FHIT: variants seen among roughly 807,000 people sequenced by gnomAD.
The protein encoded by FHIT is fragile histidine triad diadenosine triphosphatase.
Under a neutral mutation model 17.9 loss-of-function variants are expected in FHIT, and 19 were observed. That is an observed-to-expected ratio of 1.06 (90% CI 0.74 to 1.56). FHIT has a LOEUF of 1.56. FHIT is among the 40% of genes most tolerant of loss of function. The pLI is 0.00. For synonymous variants in FHIT, 81 were observed against 69.7 expected (o/e 1.16, Z -0.81); for missense variants, 248 against 189.2 (o/e 1.31, Z -1.82).
At chr3:60,181,844 T>C (rs1002606779) in intron 5 of FHIT, among the ~76,000 whole-genome samples, 1 of 152,194 alleles carries the variant, frequency 6.6e-6, no homozygotes, top group African/African-American at 2.4e-5. Flanking sequence ...TATTAAGTTG[T>C]TACATGTCTG....
At chr3:60,555,154 C>T (rs111828480) in intron 4 of FHIT, among the ~76,000 whole-genome samples, 1,772 of 152,280 alleles carry the variant, frequency 0.012, 13 homozygotes, top group Middle Eastern at 0.041. Flanking sequence ...TTGAAGATAA[C>T]CAGATATAAA....
At chr3:60,586,761 A>G (rs1287416159) in intron 4 of FHIT, among the ~76,000 whole-genome samples, 1 of 152,094 alleles carries the variant, frequency 6.6e-6, no homozygotes, top group Non-Finnish European at 1.5e-5. Context: ...CAAATACTGC[A>G]TGAGCTTACT....
intron 4 of FHIT, among the ~76,000 whole-genome samples, chr3:60,729,327 GC>G (rs2041981223): frequency 6.6e-6 from 1 of 152,162 alleles, no homozygotes; most frequent in Admixed American, 6.5e-5. Flanking sequence ...CACAGAACTG[GC>G]TTTAACAGAG....
intron 5 of FHIT, among the ~76,000 whole-genome samples, chr3:60,153,492 G>A (rs2064021): frequency 0.48 from 73,040 of 151,854 alleles, 19,486 homozygotes; most frequent in Non-Finnish European, 0.6. Context: ...TCTATTTTGA[G>A]GTTTATCATG....
At chr3:60,170,000 C>T (rs1314087522) in intron 5 of FHIT, among the ~76,000 whole-genome samples, 1 of 152,198 alleles carries the variant, frequency 6.6e-6, no homozygotes, top group African/African-American at 2.4e-5. Context: ...GATGATCCAG[C>T]ATTCCTCCTG....
intron 5 of FHIT, among the ~76,000 whole-genome samples, chr3:60,428,378 G>A (rs112637218): frequency 5.9e-5 from 9 of 152,102 alleles, no homozygotes; most frequent in East Asian, 1.9e-4. Context: ...CCTGTCAATC[G>A]GACTTGAAAG....
At chr3:60,795,525 A>G (rs1403408262) in intron 4 of FHIT, among the ~76,000 whole-genome samples, 3 of 139,596 alleles carry the variant, frequency 2.1e-5, no homozygotes, top group Non-Finnish European at 4.6e-5. Context: ...TTTTTTTAAG[A>G]CAGGGTCTTA....
chr3:60,574,625 G>A (rs368114659), intron 4 of FHIT, among the ~76,000 whole-genome samples: 5 of 152,030 alleles, frequency 3.3e-5, no homozygotes, highest in African/African-American at 9.7e-5. Flanking sequence ...GTAAAGTTGT[G>A]TAAACACATC....
intron 2 of FHIT, among the ~76,000 whole-genome samples, chr3:61,123,930 A>C (rs1351322087): frequency 6.6e-6 from 1 of 152,198 alleles, no homozygotes; most frequent in Non-Finnish European, 1.5e-5. Flanking sequence ...AAGGTATGTG[A>C]ATAACATAGT....
intron 7 of FHIT, among the ~76,000 whole-genome samples, chr3:59,952,181 A>G (rs1320526095): frequency 6.6e-6 from 1 of 152,086 alleles, no homozygotes; most frequent in Non-Finnish European, 1.5e-5. Flanking sequence ...AATTTTTTGG[A>G]CACTGGATTT....
intron 2 of FHIT, among the ~76,000 whole-genome samples, chr3:61,170,848 G>A (rs2037982640): frequency 6.6e-6 from 1 of 151,984 alleles, no homozygotes. Context: ...ATGCATGTGT[G>A]TTTATAACAC....
chr3:60,571,229 G>T (rs1365804604), intron 4 of FHIT, among the ~76,000 whole-genome samples: 1 of 149,786 alleles, frequency 6.7e-6, no homozygotes, highest in African/African-American at 2.5e-5. Context: ...CCAGCTACTC[G>T]GGAGACTGAG....
intron 5 of FHIT, among the ~76,000 whole-genome samples, chr3:60,482,382 C>T (rs1198196424): frequency 6.6e-6 from 1 of 152,160 alleles, no homozygotes; most frequent in Non-Finnish European, 1.5e-5. Flanking sequence ...AATACACATT[C>T]TTCTCAGTTC....
chr3:60,881,316 G>A (rs1316909653), intron 3 of FHIT, among the ~76,000 whole-genome samples: 2 of 152,160 alleles, frequency 1.3e-5, no homozygotes, highest in Admixed American at 1.3e-4. Flanking sequence ...AATCCAAAGG[G>A]AGAGATAGAC....
rs191532521 is a variant in FHIT at position 60,928,938 on chromosome 3, C to T, written c.-110-106927G>A. Among the ~76,000 whole-genome samples the T allele has an allele frequency of 1.3e-3, 192 of 152,254 alleles. 2 individuals are homozygous for T. Among genetic ancestry groups the T allele is most frequent in the Non-Finnish European group, 1.7e-3 (115 of 68,018 alleles). On this transcript the variant is annotated intron_variant, in intron 3 of 9. Transcript: ENST00000492590. The stretch of plus-strand genomic sequence containing the variant: ...AAAAGACAATTTTAGACCAATATCC[C>T]TGATGAACATCGATGCAGAAATCCT...
intron 8 of FHIT, among the ~76,000 whole-genome samples, chr3:59,895,391 T>C (rs1233101877): frequency 6.6e-6 from 1 of 152,236 alleles, no homozygotes; most frequent in Non-Finnish European, 1.5e-5. Flanking sequence ...CAGATATTAA[T>C]GCAGGTCAGC....
Position 60,652,290 on chromosome 3 carries a change from G to C in FHIT, c.-17-115311C>G, listed in dbSNP as rs192307787. 6.8e-4 allele frequency among the ~76,000 whole-genome samples: 104 copies of C among 152,296 alleles called. 1 individual carries two copies. Among genetic ancestry groups the C allele is most frequent in the African/African-American group, 2.4e-3 (101 of 41,566 alleles). On this transcript the variant is annotated intron_variant, in intron 4 of 9. Coordinates refer to ENST00000492590, the MANE Select transcript of FHIT (RefSeq NM_002012.4). ...TAAAAAAGTGGGGAGAACCATCACAGTTATCATTAGTGTTAAAACCTCACT... is the reference window on the plus strand; with the variant it reads ...TAAAAAAGTGGGGAGAACCATCACACTTATCATTAGTGTTAAAACCTCACT...
At chr3:59,759,609 T>C (rs1240942036) in intron 8 of FHIT, among the ~76,000 whole-genome samples, 1 of 152,216 alleles carries the variant, frequency 6.6e-6, no homozygotes, top group Admixed American at 6.5e-5. Flanking sequence ...TCTTCTATCA[T>C]TCACTTCTCA....
At chr3:60,091,394 C>T (rs890398106) in intron 5 of FHIT, among the ~76,000 whole-genome samples, 2 of 152,152 alleles carry the variant, frequency 1.3e-5, no homozygotes, top group African/African-American at 4.8e-5. Context: ...GGTTCTAGAA[C>T]TTGCTGGCTA....
Sources: gnomAD v4.1 joint callset for allele counts (sites outside exome capture counted in the v4.1 genomes callset) on GRCh38, gnomAD v4.1.1 for gene constraint, MANE v1.5 for transcripts, NCBI Gene and HGNC (gene_info 2026-07-23, HGNC 2026-07-21) for gene names.